Variants in MYO10 observed in about 807,000 individuals in gnomAD.
MYO10 encodes the protein unconventional myosin-X.
In MYO10, 133 loss-of-function variants were observed where a neutral mutation model predicts 257.3. That is an observed-to-expected ratio of 0.52 (90% CI 0.45 to 0.60). The LOEUF (loss-of-function observed/expected upper bound fraction) is 0.60, where lower values mean the gene tolerates loss of function less well. MYO10 is among the 20% of genes least tolerant of loss of function. The pLI, the probability that MYO10 is intolerant of heterozygous loss-of-function variation, is 0.00. For synonymous variants in MYO10, 1,104 were observed against 1,028.6 expected (o/e 1.07, Z -1.40); for missense variants, 2,399 against 2,635.7 (o/e 0.91, Z 1.97).
At chr5:16,687,528 A>G (rs184802505) in intron 28 of MYO10, among the ~76,000 whole-genome samples, 61 of 150,958 alleles carry the variant, frequency 4.0e-4, no homozygotes, top group Non-Finnish European at 6.6e-4. Context: ...ATATATATAT[A>G]CTCCTACTGT....
intron 2 of MYO10, among the ~76,000 whole-genome samples, 189 bp from the exon 3 acceptor site, chr5:16,818,356 GTA>G (rs1226353660): frequency 4.1e-4 from 52 of 126,272 alleles, no homozygotes; most frequent in African/African-American, 1.3e-3. Flanking sequence ...CTCTGTGTGT[GTA>G]TGTATGTGTG....
chr5:16,675,717 G>A (rs1301499001), intron 34 of MYO10, among the ~76,000 whole-genome samples: 2 of 152,058 alleles, frequency 1.3e-5, no homozygotes, highest in Non-Finnish European at 1.5e-5. Flanking sequence ...CAGCCTGAGT[G>A]ACAGAGTAAG....
chr5:16,680,154 G>T, intron 32 of MYO10, 50 bp from the exon 33 acceptor site: 1 of 1,578,776 alleles, frequency 6.3e-7, no homozygotes, highest in Non-Finnish European at 8.6e-7. Context: ...CAACCTCGGG[G>T]ACTGAGGCAA....
chr5:16,808,071 A>C (rs1742329869), intron 3 of MYO10, among the ~76,000 whole-genome samples: 1 of 152,160 alleles, frequency 6.6e-6, no homozygotes, highest in African/African-American at 2.4e-5. Context: ...TTTCACCACC[A>C]ATCCACCAAA....
intron 2 of MYO10, among the ~76,000 whole-genome samples, chr5:16,822,572 C>T (rs1228587053): frequency 2.0e-5 from 3 of 152,070 alleles, no homozygotes; most frequent in Non-Finnish European, 4.4e-5. Flanking sequence ...AAAGGAGAAA[C>T]CCTAAGGAGG....
intron 8 of MYO10, among the ~76,000 whole-genome samples, chr5:16,780,155 C>T (rs1741352298): frequency 6.6e-6 from 1 of 152,080 alleles, no homozygotes; most frequent in Admixed American, 6.6e-5. Flanking sequence ...GTCTGCTTGG[C>T]CTCCCAGAGT....
intron 33 of MYO10, 22 bp from the exon 34 acceptor site, chr5:16,676,176 T>C: frequency 3.7e-6 from 6 of 1,609,922 alleles, no homozygotes; most frequent in Non-Finnish European, 5.1e-6. Flanking sequence ...GCAAGCAAGC[T>C]TATTGTAAGA....
intron 1 of MYO10, among the ~76,000 whole-genome samples, chr5:16,895,144 T>C (rs771787822): frequency 2.0e-5 from 3 of 152,234 alleles, no homozygotes; most frequent in Non-Finnish European, 4.4e-5. Flanking sequence ...CAAATTATGT[T>C]TTAAAAGAAC....
rs531877287 is a variant in MYO10, at chr5:16,830,072, T to TA, written c.121-11906dup. On this transcript the variant is annotated intron_variant, in intron 2 of 40. Coordinates refer to ENST00000513610, the MANE Select transcript of MYO10 (RefSeq NM_012334.3). ...CTGGCCAACGTGGTGAAACCCCTACTAAAAATCACAAAAATTAGCCGGGCG... is the reference window on the plus strand; with the variant it reads ...CTGGCCAACGTGGTGAAACCCCTACTAAAAAATCACAAAAATTAGCCGGGCG... 1.3e-3 allele frequency among the ~76,000 whole-genome samples: 198 copies of TA among 152,112 alleles called. 2 individuals are homozygous for TA. Among genetic ancestry groups the TA allele is most frequent in the Non-Finnish European group, 1.3e-4 (9 of 67,982 alleles).
chr5:16,785,041 T>A (rs542545744), intron 4 of MYO10, among the ~76,000 whole-genome samples: 2 of 152,282 alleles, frequency 1.3e-5, no homozygotes, highest in African/African-American at 4.8e-5. Context: ...ATGTCCCTTT[T>A]GCGGCAGACA....
rs777553982 is a variant in MYO10 at position 16,780,536 on chromosome 5, G to A, written c.814C>T (p.His272Tyr). 80 of 1,579,926 alleles carry A rather than the reference G, an allele frequency of 5.1e-5. No homozygotes were observed. The highest frequency in any genetic ancestry group is 4.2e-4 in the South Asian group (36 of 86,242). The change falls in exon 8 of 41, where the codon CAT becomes TAT. Residue 272 changes from histidine (H) to tyrosine (Y), a missense_variant. Around this residue, in one of 3 missense-constraint regions of MYO10, gnomAD observed 337 missense variants for 446.8 expected, o/e 0.75. Coordinates refer to ENST00000513610, the MANE Select transcript of MYO10 (RefSeq NM_012334.3). ...IFYALLAGLE[H>Y]EEREEFYLST... Reference sequence around the variant, plus strand: ...TCGTCCCACTCACCTCTTTCTTCATGTTCCAGCCCTGCCAGCAGTGCATAA... The same window carrying A: ...TCGTCCCACTCACCTCTTTCTTCATATTCCAGCCCTGCCAGCAGTGCATAA...
chr5:16,679,070 A>C (rs139976514), intron 33 of MYO10, among the ~76,000 whole-genome samples: 1 of 152,378 alleles, frequency 6.6e-6, no homozygotes, highest in African/African-American at 2.4e-5. Flanking sequence ...ACACGTACTT[A>C]TAAACAGCAA....
chr5:16,913,865 C>T (rs1453770106), intron 1 of MYO10, among the ~76,000 whole-genome samples: 4 of 152,076 alleles, frequency 2.6e-5, no homozygotes, highest in Non-Finnish European at 5.9e-5. Flanking sequence ...GATACAGTTG[C>T]TCGAGACAAA....
At chr5:16,814,541 T>A (rs922169471) in intron 3 of MYO10, 1 of 151,858 alleles carries the variant, frequency 6.6e-6, no homozygotes, top group African/African-American at 2.4e-5. Flanking sequence ...AGTCATTTTA[T>A]TTTTTTTCTC....
rs1156557266 is a variant in MYO10, at chr5:16,721,654, TCA to T, written c.1930-10411_1930-10410del. ...TCAGATTGTAGGGTCTGGAAATTTC[TCA>T]CTCACCAAGTACAACCTTCAACCCA... On this transcript the variant is annotated intron_variant, in intron 19 of 40. Coordinates refer to ENST00000513610, the MANE Select transcript of MYO10 (RefSeq NM_012334.3). 1.1e-4 allele frequency among the ~76,000 whole-genome samples: 17 copies of T among 152,294 alleles called. No homozygotes were observed. In the South Asian group the frequency reaches 3.5e-3, roughly 32 times the overall value.
intron 2 of MYO10, among the ~76,000 whole-genome samples, chr5:16,869,915 A>AG (rs1744402236): frequency 8.4e-6 from 1 of 118,676 alleles, no homozygotes; most frequent in African/African-American, 3.3e-5. Flanking sequence ...GGAGAAAGGA[A>AG]GGGAAGGGGA....
chr5:16,762,131 A>AG lies in MYO10; in HGVS notation c.1588-19_1588-18insC. ...TGGTTATTCTAAAAAAAAAAAAAAA[A>AG]AAAAAAAAAAAAATACAATGCCTTA... On this transcript the variant is annotated intron_variant, in intron 15 of 40. Transcript: ENST00000513610. The AG allele has an allele frequency of 1.3e-6, 2 of 1,486,160 alleles. No individual in the cohort carries two copies. Among genetic ancestry groups the AG allele is most frequent in the Non-Finnish European group, 8.9e-7 (1 of 1,124,698 alleles). The allele number at this position is 1,486,160 out of a possible 1,614,324, so 92.1% of individuals were successfully genotyped here.
intron 9 of MYO10, among the ~76,000 whole-genome samples, chr5:16,777,582 G>A (rs1015767104): frequency 1.3e-5 from 2 of 152,122 alleles, no homozygotes; most frequent in Non-Finnish European, 2.9e-5. Context: ...ACTGCATCGC[G>A]GTTTAGAGTG....
At chr5:16,749,002 T>C (rs1158427431) in intron 19 of MYO10, among the ~76,000 whole-genome samples, 2 of 152,046 alleles carry the variant, frequency 1.3e-5, no homozygotes, top group Non-Finnish European at 2.9e-5. Context: ...TAGAGACAGA[T>C]GGGGCTCCAA....
Sources: gnomAD v4.1 joint callset for allele counts (sites outside exome capture counted in the v4.1 genomes callset) on GRCh38, gnomAD v4.1.1 for gene constraint, gnomAD v4.1.1 regional missense constraint, MANE v1.5 for transcripts, NCBI Gene and HGNC (gene_info 2026-07-23, HGNC 2026-07-21) for gene names.